Variants in FAM13A observed in about 807,000 individuals in gnomAD.
FAM13A encodes the protein protein FAM13A.
FAM13A carries 76 observed loss-of-function variants against 129.6 expected under a neutral mutation model. The observed-to-expected ratio is 0.59, with a 90% CI of 0.49 to 0.71. FAM13A has a LOEUF of 0.71. FAM13A is among the 30% of genes least tolerant of loss of function. FAM13A has a pLI of 0.00. For synonymous variants in FAM13A, 443 were observed against 449.9 expected (o/e 0.98, Z 0.20); for missense variants, 1,108 against 1,249.3 (o/e 0.89, Z 1.70).
chr4:88,784,293 G>C (rs1323561914), intron 10 of FAM13A, among the ~76,000 whole-genome samples: 1 of 152,148 alleles, frequency 6.6e-6, no homozygotes, highest in Non-Finnish European at 1.5e-5. Flanking sequence ...TCACCTTATA[G>C]TACTGGGTGC....
chr4:88,841,493 CAAAAAAA>C (rs35396785), intron 7 of FAM13A, among the ~76,000 whole-genome samples: 1 of 96,648 alleles, frequency 1.0e-5, no homozygotes, highest in Non-Finnish European at 2.1e-5. Context: ...GACTCTGTCT[CAAAAAAA>C]AAAAAAAAAA....
At chr4:88,873,969 G>A (rs1362429025) in intron 6 of FAM13A, among the ~76,000 whole-genome samples, 1 of 152,134 alleles carries the variant, frequency 6.6e-6, no homozygotes, top group African/African-American at 2.4e-5. Flanking sequence ...TCCCTGGGAT[G>A]CAAGGCTGGT....
At chr4:89,016,337 A>G (rs1193274471) in intron 3 of FAM13A, among the ~76,000 whole-genome samples, 1 of 152,198 alleles carries the variant, frequency 6.6e-6, no homozygotes, top group Admixed American at 6.5e-5. Context: ...AAAAGAATCA[A>G]AATGTTTTTA....
At chr4:89,035,776 T>C (rs767055351) in intron 1 of FAM13A, among the ~76,000 whole-genome samples, 7 of 152,210 alleles carry the variant, frequency 4.6e-5, no homozygotes, top group Non-Finnish European at 1.0e-4. Flanking sequence ...TCTCTGGCCA[T>C]GTAAAACATG....
At chr4:88,933,100 C>T (rs1033358446) in intron 5 of FAM13A, among the ~76,000 whole-genome samples, 1 of 152,034 alleles carries the variant, frequency 6.6e-6, no homozygotes, top group African/African-American at 2.4e-5. Flanking sequence ...CATATATATG[C>T]TCTGAAGACA....
At chr4:88,751,971 C>T (rs1742723011) in intron 14 of FAM13A, among the ~76,000 whole-genome samples, 1 of 152,168 alleles carries the variant, frequency 6.6e-6, no homozygotes, top group African/African-American at 2.4e-5. Flanking sequence ...TAAATAAGTG[C>T]TTATTCAGGC....
At chr4:88,911,967 A>G (rs368542604) in intron 5 of FAM13A, among the ~76,000 whole-genome samples, 46 of 152,326 alleles carry the variant, frequency 3.0e-4, no homozygotes, top group African/African-American at 1.1e-3. Context: ...ACTATTTCAC[A>G]GAATCTGCCA....
At chr4:88,737,239 AG>A (rs1007309375) in intron 21 of FAM13A, among the ~76,000 whole-genome samples, 3 of 152,164 alleles carry the variant, frequency 2.0e-5, no homozygotes, top group Non-Finnish European at 4.4e-5. Context: ...TACAAAAAAG[AG>A]GGGGGGAATA....
chr4:88,984,290 A>G (rs908699328), intron 4 of FAM13A, among the ~76,000 whole-genome samples: 1 of 152,198 alleles, frequency 6.6e-6, no homozygotes, highest in Admixed American at 6.5e-5. Flanking sequence ...AAACAGATAC[A>G]TTGCACTCCA....
intron 6 of FAM13A, among the ~76,000 whole-genome samples, chr4:88,870,321 G>C (rs555254444): frequency 1.2e-4 from 19 of 152,342 alleles, no homozygotes; most frequent in African/African-American, 4.6e-4. Flanking sequence ...AGCTGAAGCA[G>C]GGCAGGGCAT....
chr4:88,869,422 G>A (rs562103973), intron 6 of FAM13A, among the ~76,000 whole-genome samples: 2 of 152,182 alleles, frequency 1.3e-5, no homozygotes, highest in Non-Finnish European at 2.9e-5. Context: ...TCCTGCAGTG[G>A]CCTCCCTTCA....
chr4:89,005,411 T>A (rs1180521470), intron 3 of FAM13A, among the ~76,000 whole-genome samples: 1 of 152,246 alleles, frequency 6.6e-6, no homozygotes, highest in East Asian at 1.9e-4. Context: ...AAATGATTTC[T>A]ATTGCTCTGG....
At chr4:88,770,932 A>G (rs1294206532) in intron 11 of FAM13A, among the ~76,000 whole-genome samples, 1 of 152,198 alleles carries the variant, frequency 6.6e-6, no homozygotes, top group Non-Finnish European at 1.5e-5. Context: ...CGTAGTTCAC[A>G]AAGGCTGATT....
At chr4:89,040,574 G>C (rs1769980047) in intron 1 of FAM13A, among the ~76,000 whole-genome samples, 1 of 152,156 alleles carries the variant, frequency 6.6e-6, no homozygotes, top group African/African-American at 2.4e-5. Flanking sequence ...ATTGGGAAAG[G>C]ACTAGATCTG....
chr4:88,769,197 T>C (rs1231156884), intron 11 of FAM13A, among the ~76,000 whole-genome samples: 4 of 152,186 alleles, frequency 2.6e-5, no homozygotes, highest in Admixed American at 2.6e-4. Flanking sequence ...GAAGTTGGCA[T>C]TTACAACAAT....
At chr4:88,961,315 TA>T (rs1374007740) in intron 4 of FAM13A, among the ~76,000 whole-genome samples, 1 of 129,458 alleles carries the variant, frequency 7.7e-6, no homozygotes. Flanking sequence ...AAGAGATACA[TA>T]AAAACAAATC....
At chr4:88,815,315 T>C (rs1475499982) in intron 7 of FAM13A, among the ~76,000 whole-genome samples, 2 of 152,152 alleles carry the variant, frequency 1.3e-5, no homozygotes, top group African/African-American at 4.8e-5. Context: ...TCCTATCTTA[T>C]TTTTACCACC....
At chr4:88,869,570 T>C (rs193255805) in intron 6 of FAM13A, among the ~76,000 whole-genome samples, 1 of 152,376 alleles carries the variant, frequency 6.6e-6, no homozygotes, top group Admixed American at 6.5e-5. Context: ...ATGTATCAGC[T>C]TAAATCAGGC....
At chr4:88,940,355 G>GA (rs1040816910) in intron 4 of FAM13A, among the ~76,000 whole-genome samples, 85 of 80,726 alleles carry the variant, frequency 1.1e-3, no homozygotes, top group African/African-American at 2.7e-3. Context: ...AAAACTTAGG[G>GA]AAATTGTATC....
Sources: allele counts gnomAD v4.1 joint callset (sites outside exome capture counted in the v4.1 genomes callset), GRCh38; gene constraint gnomAD v4.1.1; transcripts MANE v1.5; gene names NCBI Gene and HGNC (gene_info 2026-07-23, HGNC 2026-07-21).